The following KANTR variants were observed in gnomAD, a reference collection of about 807,000 sequenced individuals.
The protein encoded by KANTR is KANTR integral membrane protein, also known as KDM5C adjacent transcript.
intron 2 of KANTR, among the ~76,000 whole-genome samples, chrX:53,117,609 G>GTTTTTTT (rs869034016): frequency 1.6e-5 from 1 of 63,885 alleles, no homozygotes; most frequent in African/African-American, 6.9e-5. Context: ...GTGTGTGTGT[G>GTTTTTTT]TTTTTTTTTT....
exon 1 of KANTR, chrX:53,094,185 G>A (rs374576687): frequency 4.0e-4 from 45 of 113,318 alleles, no homozygotes; most frequent in African/African-American, 1.3e-3. Flanking sequence ...TGCAGCCCGT[G>A]GAAGGGTTCC....
chrX:53,126,451 A>T (rs1556816208), exon 3 of KANTR: 1 of 110,883 alleles, frequency 9.0e-6, no homozygotes, highest in Non-Finnish European at 1.9e-5. Context: ...CAGCTTACTG[A>T]TTCTCTTTTC....
At chrX:53,136,101 C>G (rs1556817570) in intron 2 of KANTR, among the ~76,000 whole-genome samples, 1 of 112,180 alleles carries the variant, frequency 8.9e-6, no homozygotes. Flanking sequence ...TCTGAATCCA[C>G]CATCATCCTC....
chrX:53,109,530 C>T (rs1932999104), intron 2 of KANTR, among the ~76,000 whole-genome samples: 1 of 112,105 alleles, frequency 8.9e-6, no homozygotes, highest in Non-Finnish European at 1.9e-5. Context: ...GTGATCCACC[C>T]GCCTCGGCCT....
At chrX:53,141,250 C>T (rs1159451143) in intron 2 of KANTR, among the ~76,000 whole-genome samples, 1 of 112,261 alleles carries the variant, frequency 8.9e-6, no homozygotes, top group Non-Finnish European at 1.9e-5. Context: ...TGGTCCAGTG[C>T]AAGATCTAGT....
chrX:53,141,898 T>C, exon 3 of KANTR: 1 of 505,036 alleles, frequency 2.0e-6, no homozygotes, highest in Non-Finnish European at 2.6e-6. Flanking sequence ...CCCACGGTGT[T>C]CTGGCAGGAA....
downstream of KANTR, chrX:53,142,806 C>T (rs1271206061): frequency 1.9e-5 from 9 of 473,045 alleles, no homozygotes; most frequent in South Asian, 2.7e-5. Flanking sequence ...ATGGCTAACC[C>T]ACATGCTTGC....
chrX:53,106,761 A>C (rs1556812885), intron 2 of KANTR, among the ~76,000 whole-genome samples: 1 of 110,127 alleles, frequency 9.1e-6, no homozygotes, highest in African/African-American at 3.4e-5. Context: ...TCTGACATGG[A>C]TATCTAGTTT....
At chrX:53,100,539 C>T (rs1434317562) in intron 2 of KANTR, among the ~76,000 whole-genome samples, 1 of 109,409 alleles carries the variant, frequency 9.1e-6, no homozygotes, top group Non-Finnish European at 1.9e-5. Flanking sequence ...GTGGCTCACG[C>T]CTGTAATCCC....
chrX:53,143,163 G>A (rs1933527173), downstream of KANTR: 1 of 920,885 alleles, frequency 1.1e-6, no homozygotes, highest in Admixed American at 2.2e-5. Context: ...AGAACCACTT[G>A]TTGCCGATGG....
chrX:53,108,724 A>T (rs1380860327), intron 2 of KANTR, among the ~76,000 whole-genome samples: 1 of 103,828 alleles, frequency 9.6e-6, no homozygotes, highest in Non-Finnish European at 2.0e-5. Flanking sequence ...TTTTTGAGGC[A>T]GGGTCTCGCT....
chrX:53,120,218 T>A (rs1933196903), intron 2 of KANTR, among the ~76,000 whole-genome samples: 1 of 110,225 alleles, frequency 9.1e-6, no homozygotes, highest in South Asian at 4.0e-4. Flanking sequence ...TATTTTTTTG[T>A]AGAGACAGGG....
At chrX:53,105,512 C>T (rs1324713769) in intron 2 of KANTR, among the ~76,000 whole-genome samples, 15 of 105,921 alleles carry the variant, frequency 1.4e-4, no homozygotes, top group Admixed American at 6.2e-4. Context: ...TTTTTGGAGA[C>T]GGAGTCTCAC....
At chrX:53,143,778 C>A, downstream of KANTR, 1 of 530,993 alleles carries the variant, frequency 1.9e-6, no homozygotes, top group East Asian at 3.6e-5. Context: ...GGCCCATGCC[C>A]ACCATCACAC....
chrX:53,116,448 C>T (rs1284317984), intron 2 of KANTR, among the ~76,000 whole-genome samples: 1 of 112,070 alleles, frequency 8.9e-6, no homozygotes, highest in Non-Finnish European at 1.9e-5. Context: ...CTTTAGATCC[C>T]TAGGAATATG....
chrX:53,098,226 C>T (rs1556811264), intron 1 of KANTR, among the ~76,000 whole-genome samples: 1 of 111,161 alleles, frequency 9.0e-6, no homozygotes, highest in Non-Finnish European at 1.9e-5. Context: ...GTTATGTTTA[C>T]ACTGTACCAT....
chrX:53,110,306 C>T, intron 2 of KANTR, among the ~76,000 whole-genome samples: 1 of 111,132 alleles, frequency 9.0e-6, no homozygotes, highest in Middle Eastern at 4.6e-3. Flanking sequence ...GTATTTATTA[C>T]GTTGAGGTAC....
At chrX:53,114,507 GCAGGCTTGCTGCTGGAGTCCT>G (rs1480641861) in intron 2 of KANTR, among the ~76,000 whole-genome samples, 1 of 112,750 alleles carries the variant, frequency 8.9e-6, no homozygotes, top group East Asian at 2.8e-4. Context: ...TGTTCTGTGG[GCAGGCTTGCTGCTGGAGTCCT>G]CAGGCAGGCT....
chrX:53,121,679 C>T (rs1180376666), intron 2 of KANTR, among the ~76,000 whole-genome samples: 1 of 109,707 alleles, frequency 9.1e-6, no homozygotes, highest in African/African-American at 3.3e-5. Context: ...TTTTTTATGA[C>T]CTAACAGTTT....
Sources: gnomAD v4.1 joint callset for allele counts (sites outside exome capture counted in the v4.1 genomes callset) on GRCh38, gnomAD v4.1.1 for gene constraint, MANE v1.5 for transcripts, NCBI Gene and HGNC (gene_info 2026-07-23, HGNC 2026-07-21) for gene names.